The following PRMT9 variants were observed in gnomAD, a reference collection of about 807,000 sequenced individuals.
PRMT9 encodes the protein protein arginine N-methyltransferase 9.
Under a neutral mutation model 83.2 loss-of-function variants are expected in PRMT9, and 59 were observed. The observed-to-expected ratio is 0.71, with a 90% confidence interval of 0.57 to 0.88. PRMT9 has a LOEUF of 0.88. Among genes scored for constraint, PRMT9 ranks in the 40% least tolerant of loss-of-function variants. PRMT9 has a pLI of 0.00. For synonymous variants in PRMT9, 333 were observed against 353.2 expected (o/e 0.94, Z 0.64); for missense variants, 947 against 1,021.9 (o/e 0.93, Z 1.00).
intron 6 of PRMT9, among the ~76,000 whole-genome samples, chr4:147,662,970 C>T (rs1229439888): frequency 6.6e-6 from 1 of 151,658 alleles, no homozygotes; most frequent in Non-Finnish European, 1.5e-5. Flanking sequence ...CAGATTATTA[C>T]ACTCTCAAAA....
chr4:147,681,339 A>T (rs1189732636), intron 1 of PRMT9, among the ~76,000 whole-genome samples: 5 of 152,206 alleles, frequency 3.3e-5, no homozygotes, highest in African/African-American at 4.8e-5. Flanking sequence ...TTCCAACTGC[A>T]TCTCCCTCCA....
rs936484667 is a variant in PRMT9, at chr4:147,638,837, T to A, written c.2323-90A>T. On this transcript the variant is annotated intron_variant, in intron 11 of 11. Transcript: ENST00000322396. The stretch of plus-strand genomic sequence containing the variant: ...TTAGTTACTTTTAAATACAAAAATT[T>A]AAAATACATTTCACTAGATTTAAAT... The A allele has an allele frequency of 2.0e-5, 27 of 1,360,888 alleles. No individual in the cohort carries two copies. The African/African-American group carries it at 3.1e-4, about 15-fold the overall frequency. The allele number at this position is 1,360,888 out of a possible 1,614,324, so 84.3% of individuals were successfully genotyped here.
chr4:147,649,488 A>G (rs1733954343), intron 9 of PRMT9, among the ~76,000 whole-genome samples: 1 of 152,144 alleles, frequency 6.6e-6, no homozygotes, highest in South Asian at 2.1e-4. Flanking sequence ...GCATGAGTGA[A>G]TAGAACTTAA....
rs1186678924 is a variant in PRMT9 at position 147,658,538 on chromosome 4, TTTGAA to T, written c.1147-568_1147-564del. Reference sequence around the variant, plus strand: ...AAGTCTTAAACAGGCAGGCATGACTTTTGAAATTAAAACCTTAGTAAGATTTGTGT... The same window carrying T: ...AAGTCTTAAACAGGCAGGCATGACTTATTAAAACCTTAGTAAGATTTGTGT... On this transcript the variant is annotated intron_variant, in intron 7 of 11. Transcript: ENST00000322396. 1.5e-4 allele frequency among the ~76,000 whole-genome samples: 23 copies of T among 152,262 alleles called. No individual in the cohort carries two copies. The East Asian group carries it at 4.4e-3, about 29-fold the overall frequency.
intron 1 of PRMT9, 64 bp downstream of exon 1, chr4:147,683,730 TTTCTG>T: frequency 3.7e-6 from 5 of 1,357,920 alleles, no homozygotes; most frequent in African/African-American, 1.5e-5. Context: ...CTTTTTTTTT[TTTCTG>T]TTTTTTTTTT....
rs750156332 is a variant in PRMT9, at chr4:147,654,580, T to C, written c.1331-14A>G. The C allele has an allele frequency of 1.3e-6, 2 of 1,556,434 alleles. No homozygotes were observed. The highest frequency in any genetic ancestry group is 3.3e-5 in the Admixed American group (2 of 59,778). On this transcript the variant is annotated splice_polypyrimidine_tract_variant and intron_variant, in intron 8 of 11. Transcript: ENST00000322396. ...TTATCCAGTAGTCTTCATTAAATAG[T>C]AAGGAAGAAAAAAAATATGGAGTAC...
At chr4:147,674,895 A>T (rs763692168) in intron 2 of PRMT9, among the ~76,000 whole-genome samples, 17 of 152,248 alleles carry the variant, frequency 1.1e-4, no homozygotes, top group Non-Finnish European at 2.2e-4. Flanking sequence ...TGGACCACAC[A>T]TGGAACAGAA....
In PRMT9 at chr4:147,638,466, A is replaced by T; in HGVS notation, c.*66T>A. ...CAAGGAATTTTTATATACCCCCACT[A>T]ATTAAGACAAGAATTTTGTACTTGT... On this transcript the variant is annotated 3_prime_UTR_variant, in exon 12 of 12. Coordinates refer to ENST00000322396, the MANE Select transcript of PRMT9 (RefSeq NM_138364.4). 1 of 1,216,112 alleles carries T rather than the reference A, an allele frequency of 8.2e-7. No individual in the cohort carries two copies. Among genetic ancestry groups the T allele is most frequent in the Non-Finnish European group, 1.2e-6 (1 of 820,606 alleles). The allele number at this position is 1,216,112 out of a possible 1,614,324, so 75.3% of individuals were successfully genotyped here.
chr4:147,661,156 G>C (rs1027914337), intron 6 of PRMT9, 118 bp from the exon 7 acceptor site: 2 of 708,952 alleles, frequency 2.8e-6, no homozygotes, highest in African/African-American at 3.6e-5. Flanking sequence ...CATGAGCAAA[G>C]ATTTCTTAAA....
At chr4:147,666,509 T>A (rs998961613) in intron 6 of PRMT9, among the ~76,000 whole-genome samples, 7 of 152,340 alleles carry the variant, frequency 4.6e-5, no homozygotes, top group Admixed American at 1.3e-4. Flanking sequence ...TATCATATAC[T>A]AAATCCATAT....
intron 9 of PRMT9, among the ~76,000 whole-genome samples, chr4:147,649,392 A>C (rs1414761932): frequency 6.6e-6 from 1 of 152,216 alleles, no homozygotes; most frequent in Non-Finnish European, 1.5e-5. Flanking sequence ...TGGAGGAGAC[A>C]CTCAAACCAT....
chr4:147,668,129 T>G (rs1277237531), intron 6 of PRMT9, among the ~76,000 whole-genome samples: 1 of 152,212 alleles, frequency 6.6e-6, no homozygotes, highest in East Asian at 1.9e-4. Context: ...ATTTACTATT[T>G]AAATAGTCAC....
In PRMT9 at chr4:147,654,239, A is replaced by G. The variant is rs1219591995; in HGVS notation, c.1658T>C (p.Leu553Pro). 1 of 1,614,206 alleles carries G rather than the reference A, an allele frequency of 6.2e-7. No individual in the cohort carries two copies. Among genetic ancestry groups the G allele is most frequent in the Non-Finnish European group, 8.5e-7 (1 of 1,180,010 alleles). ...ACAGTGAGTATCCATGGTCTGATAC[A>G]GTTTCTCTGGAGTCAGTGAAGACAA... The part of the protein sequence containing the change: ...KVLSSLTPEK[L>P]YQTMDTHCQN... The change falls in exon 9 of 12, where the codon CTG (leucine) becomes CCG (proline). Residue 553 changes from leucine (L) to proline (P), a missense_variant. Leu to Pro is a moderately conservative substitution (Grantham distance 98). Transcript: ENST00000322396.
In PRMT9 at chr4:147,637,980, A is replaced by G. The variant is rs1276532545; in HGVS notation, c.*552T>C. On this transcript the variant is annotated 3_prime_UTR_variant, in exon 12 of 12. Coordinates refer to ENST00000322396, the MANE Select transcript of PRMT9 (RefSeq NM_138364.4). ...AGACCAAGAAAAATGCTGCCTCCTG[A>G]AGATGTATTCCCTAACTCCTTTACT... The G allele has an allele frequency of 1.3e-5, 2 of 152,714 alleles. No individual in the cohort carries two copies. The highest frequency in any genetic ancestry group is 2.9e-5 in the Non-Finnish European group (2 of 68,402). 9.5% of individuals were successfully genotyped at this position (152,714 alleles called of 1,614,324 possible).
chr4:147,641,143 G>A (rs1309629295), intron 10 of PRMT9, among the ~76,000 whole-genome samples: 1 of 152,178 alleles, frequency 6.6e-6, no homozygotes, highest in Non-Finnish European at 1.5e-5. Context: ...TCTCACCAGT[G>A]TTTTATTCCT....
chr4:147,639,209 A>G, intron 10 of PRMT9, 127 bp from the exon 11 acceptor site: 1 of 826,544 alleles, frequency 1.2e-6, no homozygotes, highest in East Asian at 2.7e-5. Context: ...TACTTGACAG[A>G]ATGCTTTTTA....
chr4:147,680,762 G>A (rs1028129433), intron 1 of PRMT9, among the ~76,000 whole-genome samples: 6 of 152,202 alleles, frequency 3.9e-5, no homozygotes, highest in South Asian at 2.1e-4. Context: ...CACTTTTGTC[G>A]GCTCCTGTGT....
chr4:147,672,734 T>G (rs759106268), intron 4 of PRMT9, among the ~76,000 whole-genome samples: 7 of 152,106 alleles, frequency 4.6e-5, no homozygotes, highest in Non-Finnish European at 1.0e-4. Context: ...AAGATCAAGT[T>G]TATTTGATCC....
At chr4:147,639,236 T>G (rs1733220914) in intron 10 of PRMT9, 154 bp from the exon 11 acceptor site, 2 of 645,174 alleles carry the variant, frequency 3.1e-6, no homozygotes. Context: ...CTCCTTTATA[T>G]TCCCACATCA....
Sources: allele counts gnomAD v4.1 joint callset (sites outside exome capture counted in the v4.1 genomes callset), GRCh38; gene constraint gnomAD v4.1.1; transcripts MANE v1.5; gene names NCBI Gene and HGNC (gene_info 2026-07-23, HGNC 2026-07-21).